The following CAMKMT variants were observed in gnomAD, a reference collection of about 807,000 sequenced individuals.
CAMKMT encodes calmodulin-lysine N-methyltransferase.
In CAMKMT, 53 loss-of-function variants were observed where a neutral mutation model predicts 48.0. The observed-to-expected ratio is 1.10, with a 90% CI of 0.89 to 1.39. CAMKMT has a LOEUF of 1.39. CAMKMT is among the 40% of genes most tolerant of loss of function. The pLI, the probability that CAMKMT is intolerant of heterozygous loss-of-function variation, is 0.00. For missense variants in CAMKMT, 428 were observed against 402.7 expected (o/e 1.06, Z -0.54); for synonymous variants, 165 against 152.3 (o/e 1.08, Z -0.61).
intron 1 of CAMKMT, among the ~76,000 whole-genome samples, chr2:44,367,509 C>T (rs1248162684): frequency 2.6e-5 from 4 of 152,140 alleles, no homozygotes; most frequent in African/African-American, 9.7e-5. Context: ...AGACTTGGGT[C>T]CCATCCCAAG....
intron 1 of CAMKMT, among the ~76,000 whole-genome samples, chr2:44,362,656 G>C (rs889494905): frequency 6.6e-6 from 1 of 152,206 alleles, no homozygotes; most frequent in African/African-American, 2.4e-5. Flanking sequence ...AGCGGAGCGT[G>C]CAAGGAGTAG....
intron 3 of CAMKMT, among the ~76,000 whole-genome samples, chr2:44,566,754 C>T (rs1055181892): frequency 1.3e-5 from 2 of 151,982 alleles, no homozygotes; most frequent in African/African-American, 2.4e-5. Flanking sequence ...TGAGTGGATG[C>T]GTTTGAGGAA....
chr2:44,593,021 T>C (rs924698446), intron 3 of CAMKMT, among the ~76,000 whole-genome samples: 14 of 152,232 alleles, frequency 9.2e-5, no homozygotes, highest in Non-Finnish European at 1.0e-4. Flanking sequence ...CTGACTATAA[T>C]GATAAGTATT....
intron 7 of CAMKMT, among the ~76,000 whole-genome samples, chr2:44,719,949 C>T (rs972391894): frequency 1.3e-5 from 2 of 152,066 alleles, no homozygotes; most frequent in Non-Finnish European, 2.9e-5. Flanking sequence ...TCCTGAAGAC[C>T]GCTGAGAATT....
At chr2:44,504,969 G>A (rs894756555) in intron 3 of CAMKMT, among the ~76,000 whole-genome samples, 1 of 152,292 alleles carries the variant, frequency 6.6e-6, no homozygotes, top group Admixed American at 6.5e-5. Context: ...GAAGGCAAAG[G>A]GGAGCCAGTG....
chr2:44,677,006 T>G (rs1675736875), intron 3 of CAMKMT, among the ~76,000 whole-genome samples: 1 of 152,188 alleles, frequency 6.6e-6, no homozygotes, highest in Admixed American at 6.5e-5. Context: ...TACAGTGCCC[T>G]TGATTCTTTA....
At chr2:44,585,714 T>C (rs1669820241) in intron 3 of CAMKMT, among the ~76,000 whole-genome samples, 1 of 152,220 alleles carries the variant, frequency 6.6e-6, no homozygotes, top group Non-Finnish European at 1.5e-5. Flanking sequence ...CAAGTTCAAG[T>C]AACATGCTAT....
At chr2:44,592,571 A>G (rs1265494489) in intron 3 of CAMKMT, among the ~76,000 whole-genome samples, 1 of 152,174 alleles carries the variant, frequency 6.6e-6, no homozygotes, top group Non-Finnish European at 1.5e-5. Flanking sequence ...CGATGCTGGC[A>G]TATTGTTATA....
chr2:44,505,357 T>G (rs1670206884), intron 3 of CAMKMT, among the ~76,000 whole-genome samples: 1 of 152,238 alleles, frequency 6.6e-6, no homozygotes, highest in Admixed American at 6.5e-5. Flanking sequence ...TTTCATCTGC[T>G]TAATAGGGTC....
intron 7 of CAMKMT, among the ~76,000 whole-genome samples, chr2:44,733,657 A>G (rs1679201620): frequency 6.6e-6 from 1 of 152,122 alleles, no homozygotes; most frequent in Non-Finnish European, 1.5e-5. Flanking sequence ...ACAGACATTA[A>G]TCTTTGTCAG....
intron 7 of CAMKMT, among the ~76,000 whole-genome samples, chr2:44,722,664 A>G (rs899569721): frequency 6.6e-6 from 1 of 152,198 alleles, no homozygotes; most frequent in Non-Finnish European, 1.5e-5. Flanking sequence ...AGTTTGAAAC[A>G]TTAAAAAAAG....
intron 3 of CAMKMT, among the ~76,000 whole-genome samples, chr2:44,677,766 A>G (rs1213287406): frequency 6.6e-6 from 1 of 151,914 alleles, no homozygotes; most frequent in Non-Finnish European, 1.5e-5. Flanking sequence ...CAATTCTCTT[A>G]TAACAATGCA....
chr2:44,471,599 C>A (rs928181202), intron 3 of CAMKMT, among the ~76,000 whole-genome samples: 6 of 151,850 alleles, frequency 4.0e-5, no homozygotes, highest in African/African-American at 1.4e-4. Context: ...GACCCTGTCT[C>A]AGAAAAAAAA....
At chr2:44,675,157 C>G (rs1222865793) in intron 3 of CAMKMT, among the ~76,000 whole-genome samples, 2 of 152,054 alleles carry the variant, frequency 1.3e-5, no homozygotes, top group Admixed American at 1.3e-4. Context: ...TTAATTCTCT[C>G]CCATCTTTCT....
At chr2:44,439,044 G>A (rs904000249) in intron 3 of CAMKMT, among the ~76,000 whole-genome samples, 9 of 152,124 alleles carry the variant, frequency 5.9e-5, no homozygotes, top group Admixed American at 1.3e-4. Context: ...TAATTAAACT[G>A]ATGACCTGAG....
At chr2:44,533,004 G>T (rs1273816799) in intron 3 of CAMKMT, among the ~76,000 whole-genome samples, 1 of 151,680 alleles carries the variant, frequency 6.6e-6, no homozygotes, top group African/African-American at 2.4e-5. Flanking sequence ...AGTAGAGACG[G>T]GGTTTCGTCA....
At chr2:44,687,375 G>T (rs1676395598) in intron 3 of CAMKMT, among the ~76,000 whole-genome samples, 1 of 152,198 alleles carries the variant, frequency 6.6e-6, no homozygotes, top group Non-Finnish European at 1.5e-5. Flanking sequence ...AGGGGCTGTG[G>T]TCTTAGTATC....
At chr2:44,533,034 G>A (rs759810814) in intron 3 of CAMKMT, among the ~76,000 whole-genome samples, 4 of 151,688 alleles carry the variant, frequency 2.6e-5, no homozygotes, top group African/African-American at 7.3e-5. Context: ...GGCTGGCCTC[G>A]AACTCCTGAC....
At chr2:44,382,572 G>T (rs150333747) in intron 2 of CAMKMT, among the ~76,000 whole-genome samples, 2,086 of 151,378 alleles carry the variant, frequency 0.014, 49 homozygotes, top group African/African-American at 0.048. Flanking sequence ...TCCGCCTCCC[G>T]GGTTCATGCC....
Sources: gnomAD v4.1 joint callset for allele counts (sites outside exome capture counted in the v4.1 genomes callset) on GRCh38, gnomAD v4.1.1 for gene constraint, MANE v1.5 for transcripts, NCBI Gene and HGNC (gene_info 2026-07-23, HGNC 2026-07-21) for gene names.